Variants in SLC19A1 observed in about 807,000 individuals in gnomAD.
The protein encoded by SLC19A1 is reduced folate transporter.
Under a neutral mutation model 35.3 loss-of-function variants are expected in SLC19A1, and 37 were observed. The ratio of observed to expected loss-of-function variants is 1.05; its 90% confidence interval spans 0.81 to 1.38. The LOEUF (loss-of-function observed/expected upper bound fraction) is 1.38. Among genes scored for constraint, SLC19A1 ranks in the 40% most tolerant of loss-of-function variants. The probability of loss-of-function intolerance (pLI) is 0.00; values close to 1 mark genes in which losing one functional copy is unlikely to be tolerated. For missense variants in SLC19A1, 831 were observed against 826.9 expected (o/e 1.00, Z -0.06); for synonymous variants, 460 against 398.5 (o/e 1.15, Z -1.84).
chr21:45,525,576 C>CA (rs1315453804), intron 5 of SLC19A1, among the ~76,000 whole-genome samples: 1 of 152,228 alleles, frequency 6.6e-6, no homozygotes, highest in Non-Finnish European at 1.5e-5. Context: ...AGCAGAGGCT[C>CA]AGCTGCTCCC....
At chr21:45,508,423 GGTGGATGGATGGTGGGTAAGTGGGTGA>G (rs1361795347), downstream of SLC19A1, among the ~76,000 whole-genome samples, 3 of 151,294 alleles carry the variant, frequency 2.0e-5, no homozygotes, top group African/African-American at 7.3e-5. Context: ...TGGATGAATG[GGTGGATGGATGGTGGGTAAGTGGGTGA>G]GTGGATGGGT....
chr21:45,504,688 G>T (rs1419510483), intron 3 of SLC19A1: 6 of 775,944 alleles, frequency 7.7e-6, no homozygotes, highest in African/African-American at 3.5e-5. Context: ...GCCCCGACAT[G>T]TCCCTGTCCC....
Position 45,514,106 on chromosome 21 carries a change from A to AGCAG in SLC19A1, c.*1548_*1551dup, listed in dbSNP as rs1408659177. The AGCAG allele has an allele frequency of 6.5e-6, 1 of 152,680 alleles. No homozygotes were observed. The highest frequency in any genetic ancestry group is 1.5e-5 in the Non-Finnish European group (1 of 68,470). The allele number at this position is 152,680 out of a possible 1,614,324, so 9.5% of individuals were successfully genotyped here. A position where few individuals can be genotyped will look rare whatever the true frequency, so the allele number is the denominator to read the frequency against. On this transcript the variant is annotated 3_prime_UTR_variant, in exon 6 of 6. Coordinates refer to ENST00000311124, the MANE Select transcript of SLC19A1 (RefSeq NM_194255.4). ...GGTGCAGTGAGCAGGCTGCGGAGGG[A>AGCAG]GCAGGCCCTCAGGTTGGGGAGGCGC...
In SLC19A1 at chr21:45,525,945, A is replaced by T. The variant is rs139437559; in HGVS notation, c.1165T>A (p.Ser389Thr). Reference protein sequence around the residue: ...LVPIATFQIASSLSKELCALV... With the variant: ...LVPIATFQIATSLSKELCALV... ...GCACAGAGCTCTTTAGACAGAGAAG[A>T]TGCAATCTGAAAGCTGAACGGGAAG... The change falls in exon 5 of 6, where the codon TCT becomes ACT. Residue 389 changes from serine (S) to threonine (T), a missense_variant. Ser to Thr is a moderately conservative substitution (Grantham distance 58). Transcript: ENST00000311124. The T allele has an allele frequency of 3.8e-4, 614 of 1,613,246 alleles. 4 individuals carry two copies. The highest frequency in any genetic ancestry group is 4.5e-4 in the Non-Finnish European group (533 of 1,179,908).
rs772342183 is a variant in SLC19A1, at chr21:45,531,433, G to A, written c.905C>T (p.Ala302Val). 1.9e-6 allele frequency: 3 copies of A among 1,609,932 alleles called. No individual in the cohort carries two copies. Among genetic ancestry groups the A allele is most frequent in the African/African-American group, 1.3e-5 (1 of 74,960 alleles). Reference sequence around the variant, plus strand: ...ATCTGCCGCGCCGTTGTAGACCCGCGCACTGTTGGTGGTGGGGTCCACCTC... The same window carrying A: ...ATCTGCCGCGCCGTTGTAGACCCGCACACTGTTGGTGGTGGGGTCCACCTC... The part of the protein sequence containing the change: ...WNEVDPTTNS[A>V]RVYNGAADAA... The change falls in exon 3 of 6, where the codon GCG becomes GTG. Residue 302 changes from alanine (A) to valine (V), a missense_variant. Coordinates refer to ENST00000311124, the MANE Select transcript of SLC19A1 (RefSeq NM_194255.4).
chr21:45,512,569 T>C lies in SLC19A1; in HGVS notation c.*3089A>G. 1.5e-6 allele frequency: 1 copy of C among 679,120 alleles called. No homozygotes were observed. Among genetic ancestry groups the C allele is most frequent in the Admixed American group, 2.8e-5 (1 of 35,854 alleles). The allele number at this position is 679,120 out of a possible 1,614,324, so 42.1% of individuals were successfully genotyped here. ...AAATAAAAGGAAGCCAAAGAGTGTA[T>C]TTTTTTAAAAGTTTAAAACAGAAGC... On this transcript the variant is annotated 3_prime_UTR_variant, in exon 6 of 6. Coordinates refer to ENST00000311124, the MANE Select transcript of SLC19A1 (RefSeq NM_194255.4).
At chr21:45,522,630 CCCTGGAA>C (rs1568980433) in intron 5 of SLC19A1, among the ~76,000 whole-genome samples, 1 of 152,216 alleles carries the variant, frequency 6.6e-6, no homozygotes, top group Admixed American at 6.5e-5. Flanking sequence ...TGTACCTACA[CCCTGGAA>C]CAGCACTCAG....
At chr21:45,555,232 GGCGCA>G (rs1247935723) in intron 1 of SLC19A1, among the ~76,000 whole-genome samples, 2 of 14,634 alleles carry the variant, frequency 1.4e-4, no homozygotes, top group East Asian at 1.8e-3. Flanking sequence ...GCCGGGGGGC[GGCGCA>G]GGGGGCGGCG....
downstream of SLC19A1, among the ~76,000 whole-genome samples, chr21:45,509,193 G>C (rs186939198): frequency 2.4e-4 from 37 of 152,166 alleles, no homozygotes; most frequent in Non-Finnish European, 4.6e-4. Flanking sequence ...CCCCACCCTT[G>C]CTGCTGCCTA....
intron 2 of SLC19A1, among the ~76,000 whole-genome samples, chr21:45,532,401 CG>C (rs2077964455): frequency 6.6e-6 from 1 of 152,226 alleles, no homozygotes; most frequent in Non-Finnish European, 1.5e-5. Flanking sequence ...CAGAAGGAAT[CG>C]TTATTAACAA....
intron 2 of SLC19A1, 52 bp downstream of exon 2, chr21:45,537,719 T>TGGGGGGGGGCCCCCCCCCCCC: frequency 6.3e-6 from 2 of 319,776 alleles, no homozygotes; most frequent in Non-Finnish European, 5.6e-6. Context: ...CAGACGCTGC[T>TGGGGGGGGGCCCCCCCCCCCC]CCCCGCCCAC....
At chr21:45,523,784 C>T (rs9306133) in intron 5 of SLC19A1, among the ~76,000 whole-genome samples, 5,298 of 152,264 alleles carry the variant, frequency 0.035, 313 homozygotes, top group African/African-American at 0.12. Context: ...CTCCCTGGGA[C>T]GGGCACTCCC....
At position 45,512,708 on chromosome 21, in the gene SLC19A1, C is replaced by T. The variant is rs1013823154; in HGVS notation, c.*2950G>A. The stretch of plus-strand genomic sequence containing the variant: ...CTCTTGGCCTGATCAGACCACGGCT[C>T]GATTTCTCCAGGATTTCCTGCTTTG... On this transcript the variant is annotated 3_prime_UTR_variant, in exon 6 of 6. Transcript: ENST00000311124. The T allele has an allele frequency of 2.7e-5, 12 of 442,298 alleles. No individual in the cohort carries two copies. The highest frequency in any genetic ancestry group is 1.4e-4 in the African/African-American group (7 of 50,284). The allele number at this position is 442,298 out of a possible 1,614,324, so 27.4% of individuals were successfully genotyped here.
At chr21:45,561,484 G>C (rs1212560200) in intron 1 of SLC19A1, among the ~76,000 whole-genome samples, 1 of 152,206 alleles carries the variant, frequency 6.6e-6, no homozygotes, top group African/African-American at 2.4e-5. Context: ...GGTGAGGCCG[G>C]GCGCGGTGGC....
chr21:45,523,961 C>G (rs1445445555), intron 5 of SLC19A1, among the ~76,000 whole-genome samples: 1 of 152,210 alleles, frequency 6.6e-6, no homozygotes, highest in African/African-American at 2.4e-5. Context: ...TCTGGGCCCC[C>G]TTTCTGCAGA....
chr21:45,541,740 G>A (rs533374324), intron 1 of SLC19A1: 1 of 152,398 alleles, frequency 6.6e-6, no homozygotes, highest in Non-Finnish European at 1.5e-5. Flanking sequence ...ATGGTCTGGA[G>A]ATGTGCCAGG....
chr21:45,530,860 G>T lies in SLC19A1; in HGVS notation c.1061C>A (p.Ala354Glu). ...ATQAGLVFLL[A>E]HTRHPSSIWL... The stretch of plus-strand genomic sequence containing the variant: ...GATGCTGCTCGGGTGGCGCGTGTGC[G>T]CCAGAAGGAAGACCAGCCCCGCCTG... The change falls in exon 4 of 6, where the codon GCG becomes GAG. Residue 354 changes from alanine (A) to glutamate (E), a missense_variant. Physicochemically the swap from Ala to Glu is moderately radical, Grantham distance 107. Coordinates refer to ENST00000311124, the MANE Select transcript of SLC19A1 (RefSeq NM_194255.4). The surrounding 1 kb of genome is among the most constrained non-coding windows in gnomAD (Gnocchi z 5.3). 2.7e-6 allele frequency: 4 copies of T among 1,493,520 alleles called. No individual in the cohort carries two copies. The highest frequency in any genetic ancestry group is 3.6e-6 in the Non-Finnish European group (4 of 1,121,478). The allele number at this position is 1,493,520 out of a possible 1,614,324, so 92.5% of individuals were successfully genotyped here.
chr21:45,527,728 G>C lies in SLC19A1; in HGVS notation c.1152-1770C>G, dbSNP rs1475114430. 1.9e-5 allele frequency among the ~76,000 whole-genome samples: 2 copies of C among 102,720 alleles called. 1 individual carries two copies. The highest frequency in any genetic ancestry group is 4.0e-5 in the Non-Finnish European group (2 of 49,508). 67.4% of individuals were successfully genotyped at this position (102,720 alleles called of 152,430 possible). A position where few individuals can be genotyped will look rare whatever the true frequency, so the allele number is the denominator to read the frequency against. On this transcript the variant is annotated intron_variant, in intron 4 of 5. Transcript: ENST00000311124. ...GAGGTGAGTGGCAGTCAGTTACTGC[G>C]GGCCCTGGAGGTGAGTGGCAGCAGG...
chr21:45,506,288 G>A (rs1490307438), intron 3 of SLC19A1: 5 of 383,722 alleles, frequency 1.3e-5, no homozygotes, highest in African/African-American at 4.2e-5. Context: ...CGCCTGACGG[G>A]ACGAGGCGGC....
Sources: gnomAD v4.1 joint callset for allele counts (sites outside exome capture counted in the v4.1 genomes callset) on GRCh38, gnomAD v4.1.1 for gene constraint, Gnocchi (gnomAD v3.1) non-coding constraint, MANE v1.5 for transcripts, NCBI Gene and HGNC (gene_info 2026-07-23, HGNC 2026-07-21) for gene names.